Variants in SNRPN observed in about 807,000 individuals in gnomAD.
SNRPN encodes the protein small nuclear ribonucleoprotein-associated protein N.
Under a neutral mutation model 25.2 loss-of-function variants are expected in SNRPN, and 7 were observed. That is an observed-to-expected ratio of 0.28 (90% CI 0.16 to 0.52). The LOEUF (loss-of-function observed/expected upper bound fraction) is 0.52, where lower values mean the gene tolerates loss of function less well. Ranked by LOEUF, SNRPN falls within the 20% of genes least tolerant of loss-of-function variation. SNRPN has a pLI of 0.96. For synonymous variants in SNRPN, 124 were observed against 110.6 expected (o/e 1.12, Z -0.76); for missense variants, 196 against 322.5 (o/e 0.61, Z 3.00).
chr15:24,890,459 G>A (rs1279137731), intron 2 of SNRPN, among the ~76,000 whole-genome samples: 7 of 151,944 alleles, frequency 4.6e-5, no homozygotes, highest in Non-Finnish European at 8.8e-5. Context: ...GGTGGATCAC[G>A]AGGTCAGGAG....
chr15:24,881,610 AGAGAGAGAG>A lies in SNRPN; in HGVS notation c.-578-4905_-578-4897del, dbSNP rs1474787169. ...GAGAGAGAGAGAGAGAGAGAGAGAG[AGAGAGAGAG>A]AAAGTCACAGTAAGGCACCCTAGCA... On this transcript the variant is annotated intron_variant, in intron 1 of 11. Transcript: ENST00000400097. Among the ~76,000 whole-genome samples the A allele has an allele frequency of 5.7e-3, 438 of 76,610 alleles. 12 individuals are homozygous for A. The highest frequency in any genetic ancestry group is 0.021 in the African/African-American group (365 of 17,602). The allele number at this position is 76,610 out of a possible 152,430, so 50.3% of individuals were successfully genotyped here.
At chr15:24,936,367 C>T (rs928059822) in intron 3 of SNRPN, among the ~76,000 whole-genome samples, 34 of 152,132 alleles carry the variant, frequency 2.2e-4, no homozygotes, top group East Asian at 9.7e-4. Context: ...GTAGGGATGG[C>T]GGTGCTGAAC....
intron 2 of SNRPN, among the ~76,000 whole-genome samples, chr15:24,837,727 T>C (rs1484970459): frequency 6.7e-6 from 1 of 148,658 alleles, no homozygotes; most frequent in African/African-American, 2.5e-5. Flanking sequence ...AATAACTCTT[T>C]AAATTTTTTT....
intron 2 of SNRPN, among the ~76,000 whole-genome samples, chr15:24,889,007 T>G (rs546708302): frequency 6.6e-6 from 1 of 152,060 alleles, no homozygotes; most frequent in South Asian, 2.1e-4. Context: ...AACCTGAACC[T>G]CTGGGGTTCA....
At chr15:24,886,781 A>G (rs2057237189) in intron 2 of SNRPN, among the ~76,000 whole-genome samples, 1 of 152,182 alleles carries the variant, frequency 6.6e-6, no homozygotes, top group East Asian at 1.9e-4. Context: ...TGCACACCTA[A>G]AAAGGGACTC....
At chr15:24,913,668 CA>C (rs558395007) in intron 2 of SNRPN, among the ~76,000 whole-genome samples, 1 of 151,322 alleles carries the variant, frequency 6.6e-6, no homozygotes, top group African/African-American at 2.4e-5. Context: ...CAAAACAAAA[CA>C]AAAAAAACAA....
intron 3 of SNRPN, among the ~76,000 whole-genome samples, chr15:24,945,645 A>G (rs2061838489): frequency 2.0e-5 from 3 of 152,176 alleles, no homozygotes. Context: ...TGGTAAGAAT[A>G]TGTGCAAAGG....
intron 2 of SNRPN, chr15:24,908,865 T>G: frequency 1.6e-6 from 1 of 632,084 alleles, no homozygotes; most frequent in Non-Finnish European, 2.7e-6. Flanking sequence ...TTCTTTTTCT[T>G]TTTTTTTGCT....
intron 1 of SNRPN, among the ~76,000 whole-genome samples, chr15:24,958,158 T>C (rs1333469989): frequency 1.3e-5 from 2 of 152,214 alleles, no homozygotes; most frequent in Non-Finnish European, 1.5e-5. Flanking sequence ...ACTCTGTATC[T>C]TTATGTTTCC....
At chr15:24,896,701 G>A (rs763215434) in intron 2 of SNRPN, among the ~76,000 whole-genome samples, 1 of 151,002 alleles carries the variant, frequency 6.6e-6, no homozygotes, top group African/African-American at 2.5e-5. Flanking sequence ...GCAACAGAGC[G>A]AGACTCCGTC....
chr15:24,973,457 G>A (rs1031876518), intron 3 of SNRPN, among the ~76,000 whole-genome samples: 3 of 151,992 alleles, frequency 2.0e-5, no homozygotes, highest in Non-Finnish European at 4.4e-5. Flanking sequence ...GAGTGCAGTG[G>A]CGCGATCTCA....
chr15:24,848,173 C>G (rs558546665), intron 2 of SNRPN, among the ~76,000 whole-genome samples: 1 of 138,736 alleles, frequency 7.2e-6, no homozygotes, highest in South Asian at 2.2e-4. Flanking sequence ...TGCGGCCAAC[C>G]AGCTCGTGGT....
intron 2 of SNRPN, among the ~76,000 whole-genome samples, chr15:24,831,974 A>G (rs949418822): frequency 6.6e-6 from 1 of 151,942 alleles, no homozygotes; most frequent in African/African-American, 2.4e-5. Flanking sequence ...TAGTCAATGA[A>G]ATCTCCCAAG....
chr15:24,839,260 A>T (rs1166471068), intron 2 of SNRPN, among the ~76,000 whole-genome samples: 1 of 151,992 alleles, frequency 6.6e-6, no homozygotes, highest in Non-Finnish European at 1.5e-5. Context: ...GACAGGGTGC[A>T]TACAAAGCCC....
chr15:24,842,633 C>G (rs904522113), intron 2 of SNRPN, among the ~76,000 whole-genome samples: 2 of 152,142 alleles, frequency 1.3e-5, no homozygotes, highest in Non-Finnish European at 2.9e-5. Flanking sequence ...GAGGAACAAA[C>G]CCCAGCTCTC....
chr15:24,867,802 C>T (rs558258104), intron 1 of SNRPN, among the ~76,000 whole-genome samples: 2 of 152,104 alleles, frequency 1.3e-5, no homozygotes, highest in African/African-American at 4.8e-5. Flanking sequence ...TAGCAGATTG[C>T]TATCTACCAT....
intron 2 of SNRPN, among the ~76,000 whole-genome samples, chr15:24,836,200 T>C (rs1269321399): frequency 6.6e-6 from 1 of 152,076 alleles, no homozygotes; most frequent in Non-Finnish European, 1.5e-5. Context: ...TCTATTCTTA[T>C]AGGGACACCA....
At chr15:24,832,686 CTT>C (rs2050647594) in intron 2 of SNRPN, among the ~76,000 whole-genome samples, 1 of 152,096 alleles carries the variant, frequency 6.6e-6, no homozygotes, top group East Asian at 1.9e-4. Context: ...ACCGGTCACT[CTT>C]TGGGTCCATG....
intron 2 of SNRPN, among the ~76,000 whole-genome samples, chr15:24,908,153 G>C (rs2058973493): frequency 6.6e-6 from 1 of 151,822 alleles, no homozygotes; most frequent in African/African-American, 2.4e-5. Context: ...GGCGTAATTG[G>C]ACTTCCTGAC....
Sources: allele counts gnomAD v4.1 joint callset (sites outside exome capture counted in the v4.1 genomes callset), GRCh38; gene constraint gnomAD v4.1.1; transcripts MANE v1.5; gene names NCBI Gene and HGNC (gene_info 2026-07-23, HGNC 2026-07-21).